The following MDM1 variants were observed in gnomAD, a reference collection of about 807,000 sequenced individuals.
MDM1 encodes the protein stabilizer of axonemal microtubules 6.
MDM1 carries 61 observed loss-of-function variants against 89.1 expected under a neutral mutation model. The observed-to-expected ratio is 0.68, with a 90% CI of 0.56 to 0.85. The LOEUF is 0.85. MDM1 is among the 40% of genes least tolerant of loss of function. The pLI, the probability that MDM1 is intolerant of heterozygous loss-of-function variation, is 0.00. For missense variants in MDM1, 820 were observed against 846.5 expected (o/e 0.97, Z 0.39); for synonymous variants, 290 against 294.1 (o/e 0.99, Z 0.14).
chr12:68,305,413 C>T (rs1277101471), intron 12 of MDM1, among the ~76,000 whole-genome samples: 1 of 151,964 alleles, frequency 6.6e-6, no homozygotes, highest in African/African-American at 2.4e-5. Flanking sequence ...CTACCCAGAG[C>T]AATCGGGCAA....
intron 13 of MDM1, among the ~76,000 whole-genome samples, 172 bp downstream of exon 13, chr12:68,302,448 C>T (rs956333715): frequency 3.9e-5 from 6 of 152,120 alleles, no homozygotes; most frequent in Non-Finnish European, 8.8e-5. Flanking sequence ...AACTTAGGTG[C>T]AGCACAATTG....
intron 5 of MDM1, 38 bp downstream of exon 5, chr12:68,323,035 G>A (rs142822731): frequency 3.9e-4 from 611 of 1,560,726 alleles, no homozygotes; most frequent in African/African-American, 6.2e-4. Context: ...CTAAAATAAC[G>A]GGGATTTTGT....
intron 12 of MDM1, among the ~76,000 whole-genome samples, chr12:68,307,356 G>A (rs1313371918): frequency 2.0e-5 from 3 of 152,182 alleles, no homozygotes; most frequent in Non-Finnish European, 4.4e-5. Context: ...ATTCAGGCTG[G>A]GCACAGTGGC....
At position 68,295,238 on chromosome 12, in the gene MDM1, G is replaced by C; in HGVS notation, c.*16C>G. On this transcript the variant is annotated 3_prime_UTR_variant, in exon 15 of 15. Coordinates refer to ENST00000682720, the MANE Select transcript of MDM1 (RefSeq NM_001354969.2). ...TTATGCCAATGTTTCCTTAGATAAA[G>C]GCAACTCAGCTAGGTTTATGTTTTA... 6.4e-7 allele frequency: 1 copy of C among 1,551,520 alleles called. No individual in the cohort carries two copies. Among genetic ancestry groups the C allele is most frequent in the African/African-American group, 1.4e-5 (1 of 72,988 alleles).
Position 68,332,344 on chromosome 12 carries a change from C to T in MDM1, c.-99G>A. On this transcript the variant is annotated 5_prime_UTR_variant, in exon 1 of 15. Coordinates refer to ENST00000682720, the MANE Select transcript of MDM1 (RefSeq NM_001354969.2). ...CAGTGTTCCCTAGCAAAGCCTCGGC[C>T]CGGCGTCCCCGACTACGCGCCGGCG... is the stretch of plus-strand genomic sequence containing the variant. 1.4e-6 allele frequency: 2 copies of T among 1,395,912 alleles called. No individual in the cohort carries two copies. Among genetic ancestry groups the T allele is most frequent in the Non-Finnish European group, 1.9e-6 (2 of 1,046,068 alleles). 86.5% of individuals were successfully genotyped at this position (1,395,912 alleles called of 1,614,324 possible).
At chr12:68,327,524 A>C in intron 2 of MDM1, 1 of 1,533,670 alleles carries the variant, frequency 6.5e-7, no homozygotes, top group South Asian at 1.2e-5. Context: ...AGAATTAAAA[A>C]AGAATAAGCC....
chr12:68,297,155 T>C (rs955929936), intron 13 of MDM1, among the ~76,000 whole-genome samples, 173 bp from the exon 14 acceptor site: 1 of 152,194 alleles, frequency 6.6e-6, no homozygotes, highest in Non-Finnish European at 1.5e-5. Flanking sequence ...TAATTTTATA[T>C]CTTAATAGAA....
intron 1 of MDM1, among the ~76,000 whole-genome samples, 158 bp from the exon 2 acceptor site, chr12:68,331,379 C>T (rs370000052): frequency 6.6e-6 from 1 of 152,150 alleles, no homozygotes; most frequent in Non-Finnish European, 1.5e-5. Context: ...TTCACCCAGC[C>T]CTGTGCTAAG....
chr12:68,303,020 G>T, intron 12 of MDM1, 148 bp from the exon 13 acceptor site: 1 of 707,252 alleles, frequency 1.4e-6, no homozygotes, highest in Non-Finnish European at 2.1e-6. Flanking sequence ...GGGAAGATAT[G>T]ATATAGACAA....
At chr12:68,316,004 C>T in intron 9 of MDM1, 74 bp downstream of exon 9, 1 of 1,267,404 alleles carries the variant, frequency 7.9e-7, no homozygotes, top group Middle Eastern at 2.3e-4. Context: ...GTAGTCAGGT[C>T]ATTTTCCTAT....
chr12:68,316,382 C>T, intron 8 of MDM1, 129 bp from the exon 9 acceptor site: 4 of 1,055,790 alleles, frequency 3.8e-6, no homozygotes, highest in Non-Finnish European at 5.4e-6. Context: ...AAATTAGCCA[C>T]ATACAGTCAT....
intron 7 of MDM1, among the ~76,000 whole-genome samples, chr12:68,318,366 T>A (rs1215338235): frequency 6.6e-6 from 1 of 152,140 alleles, no homozygotes; most frequent in African/African-American, 2.4e-5. Context: ...ATGTACACAG[T>A]CATCCAGTTT....
At position 68,326,992 on chromosome 12, in the gene MDM1, T is replaced by G. The variant is rs376844094; in HGVS notation, c.163A>C (p.Lys55Gln). ...GGGTCATGGTAAGGGACTCTTCTTT[T>G]TGAAATAAAACTTGGCTCTTTCGTG... The part of the protein sequence containing the change: ...GITKEPSFIS[K>Q]RRVPYHDPQI... The change falls in exon 3 of 15, where the codon AAA becomes CAA. Residue 55 changes from lysine (K) to glutamine (Q), a missense_variant. Lys to Gln is a moderately conservative substitution (Grantham distance 53). Transcript: ENST00000682720. 1.2e-6 allele frequency: 2 copies of G among 1,601,594 alleles called. No homozygotes were observed. The highest frequency in any genetic ancestry group is 1.7e-6 in the Non-Finnish European group (2 of 1,176,066).
intron 12 of MDM1, among the ~76,000 whole-genome samples, chr12:68,308,793 C>T (rs1003049827): frequency 6.6e-6 from 1 of 152,206 alleles, no homozygotes; most frequent in Non-Finnish European, 1.5e-5. Context: ...TCCAAAGAGG[C>T]TCCTTGTCCA....
At chr12:68,301,811 A>G (rs1872201644) in intron 13 of MDM1, among the ~76,000 whole-genome samples, 2 of 151,960 alleles carry the variant, frequency 1.3e-5, no homozygotes, top group Admixed American at 1.3e-4. Flanking sequence ...CCTCCCAAGT[A>G]GCTGGAATTA....
intron 1 of MDM1, among the ~76,000 whole-genome samples, 161 bp from the exon 2 acceptor site, chr12:68,331,382 G>C (rs1426613331): frequency 6.6e-6 from 1 of 152,170 alleles, no homozygotes; most frequent in Non-Finnish European, 1.5e-5. Context: ...ACCCAGCCCT[G>C]TGCTAAGCAG....
intron 12 of MDM1, among the ~76,000 whole-genome samples, chr12:68,311,682 C>A (rs1300315055): frequency 6.6e-6 from 1 of 152,218 alleles, no homozygotes; most frequent in African/African-American, 2.4e-5. Flanking sequence ...CAAAATTATT[C>A]TTGTCAACAT....
chr12:68,327,492 C>G, intron 2 of MDM1: 1 of 1,535,840 alleles, frequency 6.5e-7, no homozygotes. Flanking sequence ...GATCTTGGTT[C>G]TACATCTGCC....
At chr12:68,326,165 T>C (rs1371121866) in intron 3 of MDM1, 1 of 1,039,734 alleles carries the variant, frequency 9.6e-7, no homozygotes, top group Non-Finnish European at 1.2e-6. Context: ...AGGGACCTGC[T>C]GCAGGCCAGC....
Sources: gnomAD v4.1 joint callset for allele counts (sites outside exome capture counted in the v4.1 genomes callset) on GRCh38, gnomAD v4.1.1 for gene constraint, MANE v1.5 for transcripts, NCBI Gene and HGNC (gene_info 2026-07-23, HGNC 2026-07-21) for gene names.